PITPNM3: variants seen among roughly 807,000 people sequenced by gnomAD.
PITPNM3 encodes PITPNM family member 3.
A neutral mutation model predicts 102.0 loss-of-function variants in PITPNM3; 26 were observed. The observed-to-expected ratio is 0.25, with a 90% CI of 0.19 to 0.35. PITPNM3 has a LOEUF of 0.35. Among genes scored for constraint, PITPNM3 ranks in the 10% least tolerant of loss-of-function variants. The pLI is 1.00. For missense variants in PITPNM3, 1,083 were observed against 1,346.1 expected, an observed-to-expected ratio of 0.80 and a Z score of 3.06; for synonymous variants, 578 against 558.6, an observed-to-expected ratio of 1.03 and a Z score of -0.49.
At position 6,470,461 on chromosome 17, in the gene PITPNM3, G is replaced by A. The variant is rs1024401473; in HGVS notation, c.1625-53C>T. 30 of 1,611,826 alleles carry A rather than the reference G, an allele frequency of 1.9e-5. No individual in the cohort carries two copies. The Admixed American group carries it at 3.0e-4, about 16-fold the overall frequency. On this transcript the variant is annotated intron_variant, in intron 12 of 19. Transcript: ENST00000262483. This position sits in a 1 kb window ranked among gnomAD's most constrained non-coding sequence, Gnocchi z 4.8. Reference sequence around the variant, plus strand: ...GCGTGGCCGGCCCGGGGCCTCACCCGAGGGGCAGCGGGGTCTCCCATTGCA... The same window carrying A: ...GCGTGGCCGGCCCGGGGCCTCACCCAAGGGGCAGCGGGGTCTCCCATTGCA...
intron 17 of PITPNM3, among the ~76,000 whole-genome samples, 186 bp downstream of exon 17, chr17:6,463,546 A>G (rs1434457640): frequency 6.7e-6 from 1 of 149,854 alleles, no homozygotes; most frequent in Non-Finnish European, 1.5e-5. Context: ...AGGTCTAGAA[A>G]GCAGGAGAAA....
intron 3 of PITPNM3, among the ~76,000 whole-genome samples, chr17:6,513,818 T>G (rs943357844): frequency 2.0e-5 from 3 of 152,220 alleles, no homozygotes; most frequent in Admixed American, 2.0e-4. Flanking sequence ...AAGCACAGAA[T>G]AGCTAAACAA....
chr17:6,540,634 C>T (rs1027264532), intron 1 of PITPNM3, among the ~76,000 whole-genome samples: 1 of 152,156 alleles, frequency 6.6e-6, no homozygotes, highest in Non-Finnish European at 1.5e-5. Context: ...ATTCTACTTG[C>T]TTTCAAAATG....
intron 1 of PITPNM3, among the ~76,000 whole-genome samples, chr17:6,545,342 A>G (rs759880140): frequency 6.6e-6 from 1 of 152,186 alleles, no homozygotes; most frequent in Non-Finnish European, 1.5e-5. Context: ...ATCCGTGGCA[A>G]CTTCCAAGGG....
intron 3 of PITPNM3, among the ~76,000 whole-genome samples, chr17:6,513,129 C>A (rs1907968107): frequency 6.8e-6 from 1 of 148,148 alleles, no homozygotes; most frequent in Non-Finnish European, 1.5e-5. Context: ...ATACATTCAA[C>A]AAACTAGAAA....
rs1905924923 is a variant in PITPNM3, at chr17:6,484,121, A to T, written c.351+95T>A. ...GGGTCACACAGCAAGTCAGACGAAG[A>T]GCTGGAAGAAAACGAGGCCGCCTAT... On this transcript the variant is annotated intron_variant, in intron 5 of 19. Coordinates refer to ENST00000262483, the MANE Select transcript of PITPNM3 (RefSeq NM_031220.4). 7 of 1,345,920 alleles carry T rather than the reference A, an allele frequency of 5.2e-6. No homozygotes were observed. In the East Asian group the frequency reaches 1.4e-4, roughly 26 times the overall value. The allele number at this position is 1,345,920 out of a possible 1,614,324, so 83.4% of individuals were successfully genotyped here. A position where few individuals can be genotyped will look rare whatever the true frequency, so the allele number is the denominator to read the frequency against.
chr17:6,463,607 C>T, intron 17 of PITPNM3, 125 bp downstream of exon 17: 1 of 1,381,066 alleles, frequency 7.2e-7, no homozygotes, highest in South Asian at 1.3e-5. Context: ...GCCAGGGCTT[C>T]TCAGCTCGCA....
intron 4 of PITPNM3, among the ~76,000 whole-genome samples, chr17:6,490,912 A>G (rs1213084531): frequency 1.4e-5 from 2 of 140,330 alleles, no homozygotes; most frequent in Admixed American, 7.3e-5. Context: ...CAGTGAGCCG[A>G]GATGGCCCCA....
chr17:6,528,597 G>T (rs1276645424), intron 2 of PITPNM3, among the ~76,000 whole-genome samples: 17 of 152,064 alleles, frequency 1.1e-4, no homozygotes, highest in Non-Finnish European at 8.8e-5. Context: ...GCATATGTGT[G>T]TGGCCCTCTC....
chr17:6,482,482 G>C (rs1045138830), intron 6 of PITPNM3, among the ~76,000 whole-genome samples: 7 of 152,106 alleles, frequency 4.6e-5, no homozygotes, highest in Non-Finnish European at 8.8e-5. Flanking sequence ...TAATAAACCA[G>C]TAAATGTGAT....
At chr17:6,507,517 G>C (rs1907602291) in intron 3 of PITPNM3, among the ~76,000 whole-genome samples, 1 of 152,180 alleles carries the variant, frequency 6.6e-6, no homozygotes, top group Non-Finnish European at 1.5e-5. Context: ...CCAGGAGGCA[G>C]GGGTAGCAGT....
At chr17:6,487,436 C>G (rs1456286353) in intron 4 of PITPNM3, among the ~76,000 whole-genome samples, 1 of 152,184 alleles carries the variant, frequency 6.6e-6, no homozygotes, top group Non-Finnish European at 1.5e-5. Context: ...GCCAGGACCA[C>G]AGCTGACAAG....
rs180729960 is a variant in PITPNM3 at position 6,536,861 on chromosome 17, C to T, written c.118+1126G>A. ...ATGGTGACTTCCCAGAGTGGGGCCA[C>T]GCAGGCCAAGCAAGAGCCAGGGACT... is the stretch of plus-strand genomic sequence containing the variant. On this transcript the variant is annotated intron_variant, in intron 2 of 19. Coordinates refer to ENST00000262483, the MANE Select transcript of PITPNM3 (RefSeq NM_031220.4). 5.9e-5 allele frequency among the ~76,000 whole-genome samples: 9 copies of T among 152,306 alleles called. No individual in the cohort carries two copies. The East Asian group carries it at 1.7e-3, about 29-fold the overall frequency.
intron 4 of PITPNM3, among the ~76,000 whole-genome samples, chr17:6,494,081 G>A (rs746625602): frequency 2.0e-5 from 3 of 152,096 alleles, no homozygotes; most frequent in Admixed American, 2.0e-4. Flanking sequence ...GTCCTCATCC[G>A]GTGTCTCAGG....
intron 6 of PITPNM3, 82 bp downstream of exon 6, chr17:6,483,435 G>A (rs747457631): frequency 8.2e-6 from 11 of 1,349,622 alleles, no homozygotes; most frequent in Admixed American, 5.9e-5. Context: ...ACCTGCCCAC[G>A]GGGTCCATGC....
intron 3 of PITPNM3, among the ~76,000 whole-genome samples, chr17:6,505,911 C>T (rs1281790166): frequency 1.3e-5 from 2 of 152,146 alleles, no homozygotes; most frequent in South Asian, 4.2e-4. Flanking sequence ...ACTGAGGACT[C>T]CAAGGAAGCT....
intron 8 of PITPNM3, 148 bp from the exon 9 acceptor site, chr17:6,477,361 T>C (rs914171520): frequency 2.2e-5 from 19 of 855,358 alleles, no homozygotes; most frequent in Non-Finnish European, 3.0e-5. Context: ...GGAAGCCACA[T>C]TGCAATCATG....
intron 1 of PITPNM3, among the ~76,000 whole-genome samples, chr17:6,552,579 G>A (rs1203342823): frequency 1.3e-5 from 2 of 152,040 alleles, no homozygotes; most frequent in African/African-American, 2.4e-5. Context: ...GTTCCTTTTA[G>A]CCCTCTGCAT....
In PITPNM3 at chr17:6,478,567, C is replaced by T; in HGVS notation, c.757G>A (p.Gly253Arg). The T allele has an allele frequency of 1.2e-6, 2 of 1,614,090 alleles. No individual in the cohort carries two copies. Among genetic ancestry groups the T allele is most frequent in the Non-Finnish European group, 1.7e-6 (2 of 1,180,024 alleles). The change falls in exon 7 of 20, where the codon GGG (glycine) becomes AGG (arginine). Residue 253 changes from glycine to arginine, a missense_variant. Physicochemically the swap from Gly to Arg is moderately radical, Grantham distance 125 (BLOSUM62 -2). Around this residue, in one of 5 missense-constraint regions of PITPNM3, gnomAD observed 290 missense variants for 337.8 expected, o/e 0.86. Coordinates refer to ENST00000262483, the MANE Select transcript of PITPNM3 (RefSeq NM_031220.4). The surrounding 1 kb of genome is among the most constrained non-coding windows in gnomAD (Gnocchi z 4.4). ...VYREFLKSSD[G>R]IGFSGQVCLI... is the part of the protein sequence containing the mutation. ...CCTACCTGCCCACTGAAGCCAATCC[C>T]ATCAGAGGACTTCAGGAACTCTCTG...
Sources: gnomAD v4.1 joint callset for allele counts (sites outside exome capture counted in the v4.1 genomes callset) on GRCh38, gnomAD v4.1.1 for gene constraint, gnomAD v4.1.1 regional missense constraint, Gnocchi (gnomAD v3.1) non-coding constraint, MANE v1.5 for transcripts, NCBI Gene and HGNC (gene_info 2026-07-23, HGNC 2026-07-21) for gene names.